Variants in NREP observed in about 807,000 individuals in gnomAD.
The protein encoded by NREP is neuronal regeneration related protein.
A neutral mutation model predicts 8.6 loss-of-function variants in NREP; 5 were observed. The ratio of observed to expected loss-of-function variants is 0.58; its 90% CI spans 0.30 to 1.22. The LOEUF is 1.22. Among genes scored for constraint, NREP ranks in the 50% most tolerant of loss-of-function variants. The probability of loss-of-function intolerance (pLI) is 0.07; values close to 1 mark genes in which losing one functional copy is unlikely to be tolerated. For missense variants in NREP, 86 were observed against 82.5 expected (o/e 1.04, Z -0.17); for synonymous variants, 27 against 28.0 (o/e 0.96, Z 0.11).
At chr5:111,882,851 G>A (rs1304833379) in intron 2 of NREP, among the ~76,000 whole-genome samples, 92 of 152,294 alleles carry the variant, frequency 6.0e-4, no homozygotes, top group South Asian at 1.5e-3. Flanking sequence ...AGGAACAACC[G>A]GTACCAGCCA....
rs147137047 is a variant in NREP at position 111,774,010 on chromosome 5, A to G, written c.136-38503T>C. 5.5e-3 allele frequency among the ~76,000 whole-genome samples: 843 copies of G among 152,302 alleles called. 6 individuals are homozygous for G. Among genetic ancestry groups the G allele is most frequent in the South Asian group, 0.014 (66 of 4,832 alleles). ...CTCGTCCCTAGAGTTTTCTACTCTG[A>G]TCTGAGAATTTATAAACCACTTGAC... On this transcript the variant is annotated intron_variant, in intron 2 of 3. Transcript: ENST00000395634.
At chr5:111,762,593 C>T (rs891900248), upstream of NREP, among the ~76,000 whole-genome samples, 2 of 152,072 alleles carry the variant, frequency 1.3e-5, no homozygotes, top group African/African-American at 4.8e-5. Flanking sequence ...CTGAAGTGAC[C>T]AGTGTCTTTC....
intron 2 of NREP, among the ~76,000 whole-genome samples, chr5:111,867,583 G>A (rs1310713210): frequency 1.3e-5 from 2 of 152,130 alleles, no homozygotes; most frequent in African/African-American, 2.4e-5. Context: ...GGGATGGGGA[G>A]CACAATTCAG....
intron 2 of NREP, among the ~76,000 whole-genome samples, chr5:111,884,094 A>G (rs1455702394): frequency 2.6e-5 from 4 of 152,226 alleles, no homozygotes; most frequent in Non-Finnish European, 5.9e-5. Context: ...AATAAAGAAG[A>G]AAAGAGAGAA....
At chr5:111,963,184 A>C (rs762697695) in intron 2 of NREP, among the ~76,000 whole-genome samples, 137 of 152,246 alleles carry the variant, frequency 9.0e-4, no homozygotes, top group Non-Finnish European at 1.6e-3. Context: ...CAGCTGAGCA[A>C]CGCCATGGGG....
intron 2 of NREP, among the ~76,000 whole-genome samples, chr5:111,901,933 A>T (rs1206891834): frequency 4.6e-5 from 7 of 152,156 alleles, no homozygotes; most frequent in Non-Finnish European, 1.0e-4. Context: ...CATTCCTTAT[A>T]GAAACAGTAA....
In NREP at chr5:111,862,361, T is replaced by G. The variant is rs575951898; in HGVS notation, c.135+112913A>C. Among the ~76,000 whole-genome samples, 3 of 152,290 alleles carry G rather than the reference T, an allele frequency of 2.0e-5. No homozygotes were observed. In the East Asian group the frequency reaches 5.8e-4, roughly 29 times the overall value. Reference sequence around the variant, plus strand: ...AGATAGCAGGGAAGCCAGCTAAGTATGTGCACCCACTTCTTTATTCCAGAA... The same window carrying G: ...AGATAGCAGGGAAGCCAGCTAAGTAGGTGCACCCACTTCTTTATTCCAGAA... On this transcript the variant is annotated intron_variant, in intron 2 of 3. Coordinates refer to the NREP transcript ENST00000395634.
intron 2 of NREP, among the ~76,000 whole-genome samples, chr5:111,919,586 G>T (rs575317511): frequency 1.3e-5 from 2 of 152,116 alleles, no homozygotes; most frequent in African/African-American, 4.8e-5. Context: ...CATGGATGAA[G>T]CTGGAAACCA....
chr5:111,857,447 T>A (rs1244887132), intron 2 of NREP, among the ~76,000 whole-genome samples: 1 of 152,180 alleles, frequency 6.6e-6, no homozygotes, highest in Admixed American at 6.5e-5. Context: ...GTCACATAAC[T>A]TATCACGTAG....
At position 111,970,547 on chromosome 5, in the gene NREP, C is replaced by T. The variant is rs537320587; in HGVS notation, c.135+4727G>A. ...GATATGGCAAGAAGTCTTACTGGGT[C>T]GGGCGTGGTGGCTTATGCCCGTAAT... is the stretch of plus-strand genomic sequence containing the variant. On this transcript the variant is annotated intron_variant, in intron 2 of 3. Transcript: ENST00000395634. Among the ~76,000 whole-genome samples the T allele has an allele frequency of 9.9e-5, 15 of 152,126 alleles. 1 individual carries two copies. The highest frequency in any genetic ancestry group is 4.2e-4 in the South Asian group (2 of 4,814).
intron 2 of NREP, among the ~76,000 whole-genome samples, chr5:111,820,715 T>G (rs78586374): frequency 8.5e-5 from 13 of 152,196 alleles, no homozygotes; most frequent in Non-Finnish European, 1.6e-4. Flanking sequence ...TGTCTGCCTT[T>G]ATGGTTTCAT....
chr5:111,805,448 T>C (rs553693438), intron 2 of NREP, among the ~76,000 whole-genome samples: 45 of 152,346 alleles, frequency 3.0e-4, no homozygotes, highest in African/African-American at 1.1e-3. Context: ...GGATAAACTA[T>C]GTTACAGCCA....
At chr5:111,756,359 C>T in intron 1 of NREP, 1 of 591,702 alleles carries the variant, frequency 1.7e-6, no homozygotes, top group Non-Finnish European at 2.1e-6. Flanking sequence ...ATACACCATT[C>T]TGTCCTTCTC....
intron 2 of NREP, among the ~76,000 whole-genome samples, chr5:111,763,718 GA>G (rs895484361): frequency 3.1e-4 from 47 of 152,246 alleles, no homozygotes; most frequent in African/African-American, 9.6e-4. Flanking sequence ...TCTAAAACAA[GA>G]AAAAGAAATT....
chr5:111,970,009 T>C (rs977224268), intron 2 of NREP, among the ~76,000 whole-genome samples: 3 of 152,242 alleles, frequency 2.0e-5, no homozygotes, highest in Non-Finnish European at 2.9e-5. Context: ...AATCTAATAA[T>C]AGAATTATAG....
intron 2 of NREP, among the ~76,000 whole-genome samples, chr5:111,741,840 C>CACAG (rs1749698680): frequency 6.6e-6 from 1 of 151,826 alleles, no homozygotes; most frequent in Non-Finnish European, 1.5e-5. Flanking sequence ...CACACACACA[C>CACAG]ACACACACAC....
At chr5:111,808,105 A>G (rs1431147254) in intron 2 of NREP, among the ~76,000 whole-genome samples, 1 of 152,212 alleles carries the variant, frequency 6.6e-6, no homozygotes, top group Admixed American at 6.5e-5. Flanking sequence ...TATCTGGTGC[A>G]ATAATCTTCT....
At chr5:111,942,694 T>G (rs946535055) in intron 2 of NREP, among the ~76,000 whole-genome samples, 3 of 151,914 alleles carry the variant, frequency 2.0e-5, no homozygotes, top group Non-Finnish European at 4.4e-5. Context: ...AAAATAGAGT[T>G]TTATACTCCA....
At chr5:111,869,645 AG>A (rs1753742538) in intron 2 of NREP, among the ~76,000 whole-genome samples, 1 of 152,202 alleles carries the variant, frequency 6.6e-6, no homozygotes, top group Admixed American at 6.5e-5. Context: ...GTGGAGAGAA[AG>A]AAAACGGAAT....
Sources: allele counts gnomAD v4.1 joint callset (sites outside exome capture counted in the v4.1 genomes callset), GRCh38; gene constraint gnomAD v4.1.1; transcripts MANE v1.5; gene names NCBI Gene and HGNC (gene_info 2026-07-23, HGNC 2026-07-21).